Variants in MYO1B observed in about 807,000 individuals in gnomAD.
MYO1B encodes myosin IB.
A neutral mutation model predicts 159.7 loss-of-function variants in MYO1B; 72 were observed. That is an observed-to-expected ratio of 0.45 (90% CI 0.37 to 0.55). The LOEUF is 0.55. Among genes scored for constraint, MYO1B ranks in the 20% least tolerant of loss-of-function variants. The pLI, the probability that MYO1B is intolerant of heterozygous loss-of-function variation, is 0.00. For synonymous variants in MYO1B, 468 were observed against 473.8 expected, an observed-to-expected ratio of 0.99 and a Z score of 0.16; for missense variants, 1,062 against 1,364.8, an observed-to-expected ratio of 0.78 and a Z score of 3.50.
At position 191,387,220 on chromosome 2, in the gene MYO1B, A is replaced by G. The variant is rs371032562; in HGVS notation, c.1555-4A>G. The G allele has an allele frequency of 1.3e-5, 21 of 1,612,612 alleles. No individual in the cohort carries two copies. In the African/African-American group the frequency reaches 2.3e-4, roughly 17 times the overall value. ...TGTCATTGAGTTACATGTGCTGCTT[A>G]TAGGTGCTGTACCAGGTGGAAGGAT... is the stretch of plus-strand genomic sequence containing the variant. On this transcript the variant is annotated splice_polypyrimidine_tract_variant and splice_region_variant and intron_variant, in intron 16 of 30. Transcript: ENST00000392318.
At chr2:191,266,815 G>A (rs1574296675) in intron 1 of MYO1B, among the ~76,000 whole-genome samples, 1 of 152,192 alleles carries the variant, frequency 6.6e-6, no homozygotes, top group African/African-American at 2.4e-5. Flanking sequence ...TGTTATAGCA[G>A]CCGCTGTTAT....
chr2:191,400,317 T>A, intron 21 of MYO1B, 65 bp from the exon 22 acceptor site: 2 of 1,564,134 alleles, frequency 1.3e-6, no homozygotes, highest in South Asian at 2.2e-5. Context: ...CAGGTTTTTT[T>A]TTCAAGTCAC....
chr2:191,375,513 A>ATAGG (rs1694649741), intron 13 of MYO1B, among the ~76,000 whole-genome samples: 1 of 152,124 alleles, frequency 6.6e-6, no homozygotes, highest in East Asian at 1.9e-4. Flanking sequence ...AGATAGATAG[A>ATAGG]TGGATCCAAC....
In MYO1B at chr2:191,249,323, A is replaced by G. The variant is rs72912411; in HGVS notation, c.-10+3697A>G. Reference sequence around the variant, plus strand: ...GCAGGCCATAGATTTTTCCCAGCACATGCTTTTTGTCCTGGCAGTAGCCTT... The same window carrying G: ...GCAGGCCATAGATTTTTCCCAGCACGTGCTTTTTGTCCTGGCAGTAGCCTT... On this transcript the variant is annotated intron_variant, in intron 1 of 30. Transcript: ENST00000392318. Among the ~76,000 whole-genome samples, 707 of 152,330 alleles carry G rather than the reference A, an allele frequency of 4.6e-3. 4 individuals carry two copies. Among genetic ancestry groups the G allele is most frequent in the Middle Eastern group, 0.01 (3 of 294 alleles).
chr2:191,313,708 G>A (rs1346125906), intron 3 of MYO1B, among the ~76,000 whole-genome samples: 2 of 152,094 alleles, frequency 1.3e-5, no homozygotes, highest in Non-Finnish European at 2.9e-5. Context: ...TAGTAGTGAC[G>A]GGGTTTCACC....
chr2:191,421,187 A>G (rs1574662784), intron 30 of MYO1B, among the ~76,000 whole-genome samples: 1 of 151,044 alleles, frequency 6.6e-6, no homozygotes. Context: ...CTCCTGCCTC[A>G]GTTCCCCGAG....
chr2:191,287,181 C>T (rs1440256649), intron 2 of MYO1B, among the ~76,000 whole-genome samples: 3 of 151,986 alleles, frequency 2.0e-5, no homozygotes, highest in East Asian at 3.8e-4. Flanking sequence ...CACACAACCT[C>T]ATTTAATCCT....
intron 4 of MYO1B, among the ~76,000 whole-genome samples, chr2:191,336,013 C>A (rs1041915593): frequency 3.3e-5 from 5 of 152,100 alleles, no homozygotes; most frequent in Non-Finnish European, 7.3e-5. Context: ...ACAACTCACT[C>A]CCATGAATAC....
At chr2:191,369,689 A>C in intron 12 of MYO1B, 61 bp downstream of exon 12, 1 of 1,235,028 alleles carries the variant, frequency 8.1e-7, no homozygotes, top group East Asian at 2.3e-5. Context: ...ATAAACATTA[A>C]GTTGAAGAAA....
intron 2 of MYO1B, among the ~76,000 whole-genome samples, chr2:191,277,568 T>C (rs1398024953): frequency 6.6e-6 from 1 of 152,222 alleles, no homozygotes; most frequent in Non-Finnish European, 1.5e-5. Flanking sequence ...AGCATAAATA[T>C]GTATATGCTA....
At chr2:191,270,424 G>A (rs918233410) in intron 1 of MYO1B, among the ~76,000 whole-genome samples, 11 of 152,026 alleles carry the variant, frequency 7.2e-5, no homozygotes, top group Non-Finnish European at 1.3e-4. Flanking sequence ...CTATTGGACC[G>A]TGAGTTCCTA....
chr2:191,386,574 G>T (rs978984886), intron 16 of MYO1B, among the ~76,000 whole-genome samples: 3 of 152,018 alleles, frequency 2.0e-5, no homozygotes, highest in Admixed American at 1.3e-4. Flanking sequence ...AATATATAAA[G>T]ACAATGCTAA....
At chr2:191,320,022 T>C (rs1690599413) in intron 3 of MYO1B, among the ~76,000 whole-genome samples, 1 of 152,096 alleles carries the variant, frequency 6.6e-6, no homozygotes, top group Non-Finnish European at 1.5e-5. Flanking sequence ...TCTAAGACAA[T>C]GGCAAGCTGG....
intron 3 of MYO1B, among the ~76,000 whole-genome samples, chr2:191,304,921 C>T (rs753498876): frequency 3.9e-5 from 6 of 152,042 alleles, no homozygotes; most frequent in African/African-American, 1.4e-4. Flanking sequence ...CCGGCATACA[C>T]GATAATTTCA....
chr2:191,274,102 T>G (rs1687614262), intron 1 of MYO1B, among the ~76,000 whole-genome samples: 1 of 152,204 alleles, frequency 6.6e-6, no homozygotes, highest in African/African-American at 2.4e-5. Context: ...TCACTGGATC[T>G]TCTCCCAGTG....
chr2:191,328,375 A>G (rs1691241415), intron 3 of MYO1B, among the ~76,000 whole-genome samples: 1 of 152,180 alleles, frequency 6.6e-6, no homozygotes, highest in Non-Finnish European at 1.5e-5. Context: ...CTGGCTGCAG[A>G]CTGGTTGCTC....
Position 191,418,566 on chromosome 2 carries a change from C to T in MYO1B, c.3287+2324C>T, listed in dbSNP as rs1377719980. 2.9e-5 allele frequency among the ~76,000 whole-genome samples: 4 copies of T among 136,938 alleles called. No individual in the cohort carries two copies. In the South Asian group the frequency reaches 7.1e-4, roughly 24 times the overall value. 89.8% of individuals were successfully genotyped at this position (136,938 alleles called of 152,430 possible). ...GTGCAGTGGCACGATCTTGGCTCAC[C>T]GCAACCTCCGCCTCCCGGGTTCAAG... On this transcript the variant is annotated intron_variant, in intron 30 of 30. Transcript: ENST00000392318.
At chr2:191,307,796 A>G (rs1689742837) in intron 3 of MYO1B, among the ~76,000 whole-genome samples, 2 of 152,192 alleles carry the variant, frequency 1.3e-5, no homozygotes, top group Admixed American at 6.5e-5. Flanking sequence ...CACAGAACTC[A>G]GGATGATACG....
At position 191,392,181 on chromosome 2, in the gene MYO1B, T is replaced by C. The variant is rs150605647; in HGVS notation, c.2056T>C (p.Phe686Leu). ...EEYSFGRSKIFIRNPRTLFKL... is the reference protein window; with the variant it reads ...EEYSFGRSKILIRNPRTLFKL... Reference sequence around the variant, plus strand: ...ATACTCCTTTGGTAGATCAAAGATATTCATCCGAAACCCAAGAACAGTATG... The same window carrying C: ...ATACTCCTTTGGTAGATCAAAGATACTCATCCGAAACCCAAGAACAGTATG... The change falls in exon 19 of 31, where the codon TTC becomes CTC. Residue 686 changes from phenylalanine to leucine, a missense_variant. Phe to Leu is a conservative substitution (Grantham distance 22). Around this residue, in one of 5 missense-constraint regions of MYO1B, gnomAD observed 609 missense variants for 744.4 expected, o/e 0.82. Transcript: ENST00000392318. The C allele has an allele frequency of 6.6e-5, 106 of 1,606,994 alleles. No homozygotes were observed. The highest frequency in any genetic ancestry group is 9.0e-5 in the Non-Finnish European group (106 of 1,174,892).
Sources: gnomAD v4.1 joint callset for allele counts (sites outside exome capture counted in the v4.1 genomes callset) on GRCh38, gnomAD v4.1.1 for gene constraint, gnomAD v4.1.1 regional missense constraint, MANE v1.5 for transcripts, NCBI Gene and HGNC (gene_info 2026-07-23, HGNC 2026-07-21) for gene names.